NCOR1: variants seen among roughly 807,000 people sequenced by gnomAD.
NCOR1 encodes nuclear receptor corepressor 1, also known as protein phosphatase 1, regulatory subunit 109.
A neutral mutation model predicts 288.1 loss-of-function variants in NCOR1; 63 were observed. The observed-to-expected ratio is 0.22, with a 90% CI of 0.18 to 0.27. The LOEUF (loss-of-function observed/expected upper bound fraction) is 0.27, where lower values mean the gene tolerates loss of function less well. NCOR1 is among the 10% of genes least tolerant of loss of function. The pLI, the probability that NCOR1 is intolerant of heterozygous loss-of-function variation, is 1.00. For missense variants in NCOR1, 2,397 were observed against 3,019.2 expected (o/e 0.79, Z 4.83); for synonymous variants, 1,007 against 1,065.9 (o/e 0.94, Z 1.08).
chr17:16,061,932 G>T, intron 36 of NCOR1, 38 bp from the exon 37 acceptor site: 1 of 1,572,858 alleles, frequency 6.4e-7, no homozygotes, highest in South Asian at 1.2e-5. Flanking sequence ...GTGAAGGGAA[G>T]ACCATTTGCT....
At chr17:16,098,594 TGCACACATGG>T (rs2067062210) in intron 20 of NCOR1, 98 bp from the exon 21 acceptor site, 1 of 1,047,444 alleles carries the variant, frequency 9.5e-7, no homozygotes. Context: ...TACATACACA[TGCACACATGG>T]ACACATGGAC....
At position 16,121,101 on chromosome 17, in the gene NCOR1, T is replaced by TGCGGCTGCAGCACTG. The variant is rs1441083697; in HGVS notation, c.1788_1802dup (p.Ser597_Ala601dup). ...GTGGTGGGGGCTCTTCAGTAGCCGC[T>TGCGGCTGCAGCACTG]GCGGCTGCAGCACTGGCAGCTGCAG... On this transcript the variant is annotated inframe_insertion, in exon 16 of 46. Transcript: ENST00000268712. 2 of 1,614,042 alleles carry TGCGGCTGCAGCACTG rather than the reference T, an allele frequency of 1.2e-6. No individual in the cohort carries two copies. Among genetic ancestry groups the TGCGGCTGCAGCACTG allele is most frequent in the African/African-American group, 2.7e-5 (2 of 74,928 alleles).
intron 8 of NCOR1, chr17:16,151,482 G>T: frequency 1.3e-6 from 1 of 780,712 alleles, no homozygotes; most frequent in Non-Finnish European, 1.9e-6. Flanking sequence ...ATAGGATTTT[G>T]AATAATGATA....
chr17:16,116,125 G>A (rs1345743231), intron 18 of NCOR1, among the ~76,000 whole-genome samples: 1 of 152,134 alleles, frequency 6.6e-6, no homozygotes, highest in African/African-American at 2.4e-5. Context: ...AAAACCATCA[G>A]ATCTTGTGAG....
intron 27 of NCOR1, among the ~76,000 whole-genome samples, chr17:16,074,720 A>G (rs546922038): frequency 1.3e-5 from 2 of 148,708 alleles, no homozygotes; most frequent in Non-Finnish European, 2.9e-5. Flanking sequence ...TAATATTTCT[A>G]TCACATTTGA....
At chr17:16,114,540 T>A (rs919143151) in intron 18 of NCOR1, among the ~76,000 whole-genome samples, 6 of 152,120 alleles carry the variant, frequency 3.9e-5, no homozygotes, top group Admixed American at 3.3e-4. Flanking sequence ...CAGAAGCAAG[T>A]TAGTTACTTC....
Position 16,171,981 on chromosome 17 carries a change from C to G in NCOR1, c.257G>C (p.Arg86Thr), listed in dbSNP as rs762642081. Residue 86 changes from arginine (R) to threonine (T), a missense_variant, in exon 4 of 46, where the codon AGA (arginine) becomes ACA (threonine). Transcript: ENST00000268712. ...HPGSDRPQER[R>T]TSYEPFHPGP... ...TGGATGAAACGGTTCATAACTAGTT[C>G]TCCTTTCTTGAGGCCTAATACATAC... 10 of 1,577,166 alleles carry G rather than the reference C, an allele frequency of 6.3e-6. No homozygotes were observed. The highest frequency in any genetic ancestry group is 8.6e-6 in the Non-Finnish European group (10 of 1,164,256).
At chr17:16,123,958 C>G (rs974756201) in intron 15 of NCOR1, among the ~76,000 whole-genome samples, 1 of 152,118 alleles carries the variant, frequency 6.6e-6, no homozygotes, top group African/African-American at 2.4e-5. Context: ...TAAATAAAAG[C>G]TTGTTAAATA....
rs2152997515 is a variant in NCOR1, at chr17:16,101,616, G to C, written c.2324C>G (p.Ala775Gly). Residue 775 changes from alanine to glycine, a missense_variant, in exon 20 of 46, where the codon GCT becomes GGT. Around this residue, in one of 11 missense-constraint regions of NCOR1, gnomAD observed 1,872 missense variants for 2,187.8 expected, o/e 0.86. Transcript: ENST00000268712. ...CTGGGTCTCCACACTTTCATCTTCA[G>C]CTGGTTTTGTACTTGGAACTGCTAA... ...PSLAVPSTKP[A>G]EDESVETQVN... The C allele has an allele frequency of 1.9e-6, 3 of 1,614,172 alleles. No homozygotes were observed. The highest frequency in any genetic ancestry group is 2.5e-6 in the Non-Finnish European group (3 of 1,180,042).
chr17:16,135,027 C>T (rs930565880), intron 14 of NCOR1, among the ~76,000 whole-genome samples: 7 of 151,812 alleles, frequency 4.6e-5, no homozygotes, highest in Non-Finnish European at 8.8e-5. Flanking sequence ...GATGTGGTGG[C>T]GGGTGCCGGT....
At chr17:16,132,607 T>TA (rs1242689241) in intron 14 of NCOR1, among the ~76,000 whole-genome samples, 1 of 152,176 alleles carries the variant, frequency 6.6e-6, no homozygotes, top group Non-Finnish European at 1.5e-5. Flanking sequence ...AGAGAAGAGT[T>TA]AAAATTCCTG....
At position 16,119,867 on chromosome 17, in the gene NCOR1, T is replaced by C. The variant is rs2072616686; in HGVS notation, c.1853-382A>G. ...CCAAGCACAATTCCCTCTCCTCTCCTCTGAGCCTCCATCTTGTCCTAAAAC... is the reference window on the plus strand; with the variant it reads ...CCAAGCACAATTCCCTCTCCTCTCCCCTGAGCCTCCATCTTGTCCTAAAAC... On this transcript the variant is annotated intron_variant, in intron 16 of 45. Transcript: ENST00000268712. 2.0e-5 allele frequency among the ~76,000 whole-genome samples: 3 copies of C among 152,278 alleles called. No individual in the cohort carries two copies. The South Asian group carries it at 6.2e-4, about 32-fold the overall frequency.
chr17:16,161,110 T>G (rs2080756780), intron 5 of NCOR1, among the ~76,000 whole-genome samples: 1 of 152,076 alleles, frequency 6.6e-6, no homozygotes, highest in African/African-American at 2.4e-5. Context: ...TCTTTCCTGC[T>G]TAGAGGGCCT....
chr17:16,101,229 G>A (rs2067578412), intron 20 of NCOR1, 21 bp downstream of exon 20: 2 of 1,552,822 alleles, frequency 1.3e-6, no homozygotes, highest in Admixed American at 3.9e-5. Flanking sequence ...GCACGGGGAG[G>A]ACTTATGGAA....
intron 3 of NCOR1, among the ~76,000 whole-genome samples, chr17:16,181,220 TG>T (rs2085399993): frequency 1.4e-5 from 2 of 140,000 alleles, no homozygotes; most frequent in African/African-American, 5.7e-5. Flanking sequence ...TATGTGTGTG[TG>T]TGTGTGTGTG....
chr17:16,113,258 A>C (rs1568101139), intron 18 of NCOR1, among the ~76,000 whole-genome samples: 1 of 152,036 alleles, frequency 6.6e-6, no homozygotes, highest in Non-Finnish European at 1.5e-5. Flanking sequence ...TTCCAAAAAA[A>C]AAAAAATGAC....
intron 3 of NCOR1, among the ~76,000 whole-genome samples, chr17:16,175,836 A>T (rs1038955338): frequency 8.5e-5 from 3 of 35,112 alleles, no homozygotes; most frequent in African/African-American, 9.2e-5. Flanking sequence ...GTCTCTTTTA[A>T]AAAAAAAAAA....
At chr17:16,153,669 G>T (rs1367953113) in intron 6 of NCOR1, among the ~76,000 whole-genome samples, 2 of 152,068 alleles carry the variant, frequency 1.3e-5, no homozygotes, top group Admixed American at 6.6e-5. Flanking sequence ...TGAAAGCAAT[G>T]CCTGAATAAT....
chr17:16,131,161 T>G (rs2075575153), intron 14 of NCOR1, among the ~76,000 whole-genome samples: 1 of 151,842 alleles, frequency 6.6e-6, no homozygotes, highest in Non-Finnish European at 1.5e-5. Flanking sequence ...CAGGCTAATT[T>G]TTTAATTTTT....
Sources: gnomAD v4.1 joint callset for allele counts (sites outside exome capture counted in the v4.1 genomes callset) on GRCh38, gnomAD v4.1.1 for gene constraint, gnomAD v4.1.1 regional missense constraint, MANE v1.5 for transcripts, NCBI Gene and HGNC (gene_info 2026-07-23, HGNC 2026-07-21) for gene names.